PRKG1: variants seen among roughly 807,000 people sequenced by gnomAD.
The protein encoded by PRKG1 is protein kinase cGMP-dependent 1, also known as cGMP-dependent protein kinase 1.
A neutral mutation model predicts 88.1 loss-of-function variants in PRKG1; 35 were observed. That is an observed-to-expected ratio of 0.40 (90% CI 0.30 to 0.53). The LOEUF is 0.53. Ranked by LOEUF, PRKG1 falls within the 20% of genes least tolerant of loss-of-function variation. The pLI is 0.59. For missense variants in PRKG1, 540 were observed against 839.8 expected, an observed-to-expected ratio of 0.64 and a Z score of 4.41; for synonymous variants, 303 against 292.5, an observed-to-expected ratio of 1.04 and a Z score of -0.37.
chr10:52,217,340 A>ATATC (rs58978014), intron 9 of PRKG1, among the ~76,000 whole-genome samples: 100,799 of 143,776 alleles, frequency 0.7, 34,329 homozygotes, highest in East Asian at 0.94. Flanking sequence ...ACACATTTAT[A>ATATC]TATCTATCTA....
chr10:51,689,510 T>C (rs910104842), intron 3 of PRKG1, among the ~76,000 whole-genome samples: 1 of 152,102 alleles, frequency 6.6e-6, no homozygotes, highest in African/African-American at 2.4e-5. Flanking sequence ...GGTGGGTGCA[T>C]AGAAGAACCA....
intron 2 of PRKG1, among the ~76,000 whole-genome samples, chr10:51,439,424 A>G (rs1290234132): frequency 6.6e-6 from 1 of 151,846 alleles, no homozygotes; most frequent in Non-Finnish European, 1.5e-5. Context: ...TACTTAACCA[A>G]TACAAGATAG....
At chr10:51,489,719 A>G (rs777635397) in intron 3 of PRKG1, among the ~76,000 whole-genome samples, 2 of 152,152 alleles carry the variant, frequency 1.3e-5, no homozygotes, top group African/African-American at 2.4e-5. Flanking sequence ...ATTAGTGCAC[A>G]TGTGATGAGA....
intron 4 of PRKG1, among the ~76,000 whole-genome samples, chr10:51,899,975 A>G (rs1278612742): frequency 6.6e-6 from 1 of 151,948 alleles, no homozygotes; most frequent in Non-Finnish European, 1.5e-5. Flanking sequence ...TCACCATGCT[A>G]TGCGCCTGAT....
chr10:51,408,557 T>C (rs923366710), intron 2 of PRKG1, among the ~76,000 whole-genome samples: 1 of 152,122 alleles, frequency 6.6e-6, no homozygotes, highest in Non-Finnish European at 1.5e-5. Context: ...AGGTTCAATA[T>C]AATCAACCTG....
At chr10:51,859,396 T>C (rs537017388) in intron 4 of PRKG1, among the ~76,000 whole-genome samples, 4 of 151,584 alleles carry the variant, frequency 2.6e-5, no homozygotes, top group Admixed American at 2.6e-4. Context: ...GAGATCTTTA[T>C]GTTTTTAGTC....
chr10:51,605,693 T>G (rs1838746312), intron 3 of PRKG1, among the ~76,000 whole-genome samples: 1 of 152,222 alleles, frequency 6.6e-6, no homozygotes, highest in African/African-American at 2.4e-5. Context: ...TGGTAAACAT[T>G]TAAAGTGTGT....
chr10:50,991,045 C>T lies in PRKG1; in HGVS notation c.-334C>T, dbSNP rs879361810. The T allele has an allele frequency of 1.6e-4, 38 of 239,032 alleles. No homozygotes were observed. Among genetic ancestry groups the T allele is most frequent in the Non-Finnish European group, 2.5e-4 (31 of 123,974 alleles). The allele number at this position is 239,032 out of a possible 1,614,324, so 14.8% of individuals were successfully genotyped here. On this transcript the variant is annotated 5_prime_UTR_variant, in exon 1 of 18. Transcript: ENST00000401604. This position sits in a 1 kb window ranked among gnomAD's most constrained non-coding sequence, Gnocchi z 4.5. The stretch of plus-strand genomic sequence containing the variant: ...AGGAGAGGGGGACGAGGGAGGGGGT[C>T]TCAGGGGAGGAAGGGCAGCTCTAAT...
At position 51,553,134 on chromosome 10, in the gene PRKG1, T is replaced by G. The variant is rs1837183625; in HGVS notation, c.592+85298T>G. Among the ~76,000 whole-genome samples, 8 of 151,694 alleles carry G rather than the reference T, an allele frequency of 5.3e-5. No individual in the cohort carries two copies. In the Admixed American group the frequency reaches 5.3e-4, roughly 10 times the overall value. ...TGAACTTTGTTTAAAGTTGATAATTTTGTTGACTCATTCAAAAATCTTCTT... is the reference window on the plus strand; with the variant it reads ...TGAACTTTGTTTAAAGTTGATAATTGTGTTGACTCATTCAAAAATCTTCTT... On this transcript the variant is annotated intron_variant, in intron 3 of 17. Transcript: ENST00000373980.
At chr10:51,381,935 G>T (rs1022203645) in intron 2 of PRKG1, among the ~76,000 whole-genome samples, 2 of 152,102 alleles carry the variant, frequency 1.3e-5, no homozygotes, top group Non-Finnish European at 2.9e-5. Context: ...CTCCCTTTCT[G>T]GAAGGAAAAG....
At chr10:51,333,583 C>T (rs1311087904) in intron 2 of PRKG1, among the ~76,000 whole-genome samples, 1 of 152,128 alleles carries the variant, frequency 6.6e-6, no homozygotes, top group Non-Finnish European at 1.5e-5. Context: ...GAGGTGCTCA[C>T]CCATCATAAA....
chr10:51,197,346 C>T (rs970476237), intron 2 of PRKG1, among the ~76,000 whole-genome samples: 2 of 152,094 alleles, frequency 1.3e-5, no homozygotes, highest in African/African-American at 4.8e-5. Context: ...GATCTCGGCT[C>T]ACCGCAACCT....
intron 2 of PRKG1, among the ~76,000 whole-genome samples, chr10:51,207,461 CA>C (rs1467055933): frequency 2.0e-5 from 3 of 152,170 alleles, no homozygotes; most frequent in Non-Finnish European, 4.4e-5. Context: ...CATGCTTCAG[CA>C]AATAACATTT....
At chr10:51,766,326 C>G (rs982786184) in intron 3 of PRKG1, among the ~76,000 whole-genome samples, 2 of 152,040 alleles carry the variant, frequency 1.3e-5, no homozygotes, top group Non-Finnish European at 2.9e-5. Flanking sequence ...GCATGCAGGC[C>G]CTTAGCTTGA....
intron 1 of PRKG1, among the ~76,000 whole-genome samples, chr10:51,113,731 A>AT (rs1285207470): frequency 2.7e-5 from 3 of 113,196 alleles, no homozygotes; most frequent in African/African-American, 8.1e-5. Context: ...TTCTATTTAA[A>AT]AAAAAAAAAA....
At chr10:51,933,103 G>A (rs576356345) in intron 5 of PRKG1, among the ~76,000 whole-genome samples, 2 of 152,072 alleles carry the variant, frequency 1.3e-5, no homozygotes, top group African/African-American at 2.4e-5. Context: ...AAGTACAGAT[G>A]CAAGATGTCA....
At chr10:51,838,970 G>A (rs1015940996) in intron 4 of PRKG1, among the ~76,000 whole-genome samples, 17 of 152,212 alleles carry the variant, frequency 1.1e-4, no homozygotes, top group African/African-American at 3.6e-4. Flanking sequence ...TACATTTTAA[G>A]TTTAATATTT....
intron 1 of PRKG1, among the ~76,000 whole-genome samples, chr10:51,046,396 G>T (rs1843488466): frequency 6.6e-6 from 1 of 152,146 alleles, no homozygotes. Context: ...GGCAGTGCTG[G>T]CATACTGTTA....
rs75855491 is a variant in PRKG1, at chr10:52,232,453, T to C, written c.1077-19117T>C. The stretch of plus-strand genomic sequence containing the variant: ...TCCACTGATAATTATCTATTTTGTA[T>C]TATGTATCTTAAGTGGTATCTTTGT... On this transcript the variant is annotated intron_variant, in intron 9 of 17. Transcript: ENST00000373980. 3.5e-4 allele frequency among the ~76,000 whole-genome samples: 54 copies of C among 152,342 alleles called. No individual in the cohort carries two copies. The East Asian group carries it at 0.01, about 28-fold the overall frequency.
Sources: allele counts gnomAD v4.1 joint callset (sites outside exome capture counted in the v4.1 genomes callset), GRCh38; gene constraint gnomAD v4.1.1; non-coding constraint Gnocchi (gnomAD v3.1); transcripts MANE v1.5; gene names NCBI Gene and HGNC (gene_info 2026-07-23, HGNC 2026-07-21).